The following SLC16A7 variants were observed in gnomAD, a reference collection of about 807,000 sequenced individuals.
SLC16A7 encodes the protein solute carrier family 16 member 7.
SLC16A7 carries 33 observed loss-of-function variants against 34.9 expected under a neutral mutation model. The ratio of observed to expected loss-of-function variants is 0.94; its 90% CI spans 0.72 to 1.26. The LOEUF is 1.26. Among genes scored for constraint, SLC16A7 ranks in the 50% most tolerant of loss-of-function variants. The probability of loss-of-function intolerance (pLI) is 0.00; values close to 1 mark genes in which losing one functional copy is unlikely to be tolerated. For synonymous variants in SLC16A7, 201 were observed against 206.6 expected (o/e 0.97, Z 0.23); for missense variants, 573 against 578.1 (o/e 0.99, Z 0.09).
intron 3 of SLC16A7, among the ~76,000 whole-genome samples, chr12:59,706,049 A>T (rs954532473): frequency 6.6e-6 from 1 of 152,144 alleles, no homozygotes; most frequent in African/African-American, 2.4e-5. Context: ...TCTTTATTCC[A>T]TAGCTAAGGA....
At chr12:59,631,775 T>C (rs544336390) in intron 1 of SLC16A7, among the ~76,000 whole-genome samples, 1 of 152,122 alleles carries the variant, frequency 6.6e-6, no homozygotes, top group Admixed American at 6.6e-5. Context: ...GAACATGCAG[T>C]CTTTGGTTTT....
intron 1 of SLC16A7, among the ~76,000 whole-genome samples, chr12:59,605,195 A>G (rs2136959901): frequency 1.3e-5 from 2 of 152,326 alleles, no homozygotes; most frequent in South Asian, 4.1e-4. Flanking sequence ...TGGGTCTGTT[A>G]CAACATAAAG....
intron 1 of SLC16A7, among the ~76,000 whole-genome samples, chr12:59,639,933 C>G (rs1225061444): frequency 1.3e-5 from 2 of 152,128 alleles, no homozygotes; most frequent in East Asian, 1.9e-4. Flanking sequence ...CAACTTCTGT[C>G]CAACATGGCC....
chr12:59,693,954 C>A (rs1295070179), intron 2 of SLC16A7, among the ~76,000 whole-genome samples: 1 of 151,848 alleles, frequency 6.6e-6, no homozygotes, highest in African/African-American at 2.4e-5. Context: ...TTTATGCCCT[C>A]ATCTATGAAA....
At chr12:59,773,102 A>G (rs1428485149) in intron 4 of SLC16A7, among the ~76,000 whole-genome samples, 9 of 151,518 alleles carry the variant, frequency 5.9e-5, no homozygotes, top group Admixed American at 5.9e-4. Context: ...TTGATATAAG[A>G]TTAAAAAAAA....
At chr12:59,655,827 C>T (rs1427074134) in intron 2 of SLC16A7, among the ~76,000 whole-genome samples, 1 of 151,856 alleles carries the variant, frequency 6.6e-6, no homozygotes, top group Non-Finnish European at 1.5e-5. Flanking sequence ...GATTTCAATC[C>T]TCGCTGTGCA....
At chr12:59,742,368 A>T (rs1298483854) in intron 3 of SLC16A7, among the ~76,000 whole-genome samples, 1 of 152,188 alleles carries the variant, frequency 6.6e-6, no homozygotes, top group African/African-American at 2.4e-5. Flanking sequence ...CTGCTGAATT[A>T]TCATTTTTAA....
chr12:59,701,836 T>C (rs1237463502), intron 2 of SLC16A7, among the ~76,000 whole-genome samples: 2 of 151,778 alleles, frequency 1.3e-5, no homozygotes, highest in Non-Finnish European at 3.0e-5. Context: ...ATCTTTGAAG[T>C]GAGTGAAAAA....
At chr12:59,686,140 C>T (rs564900878) in intron 2 of SLC16A7, among the ~76,000 whole-genome samples, 1 of 119,542 alleles carries the variant, frequency 8.4e-6, no homozygotes, top group Admixed American at 1.0e-4. Flanking sequence ...CCTGTTCTGT[C>T]GCCATAGTTT....
chr12:59,646,173 C>G (rs1868249412), intron 1 of SLC16A7, among the ~76,000 whole-genome samples: 1 of 152,138 alleles, frequency 6.6e-6, no homozygotes, highest in East Asian at 1.9e-4. Flanking sequence ...TGTTAATCAC[C>G]AAGACTGTGG....
chr12:59,603,415 G>A (rs186664303), intron 1 of SLC16A7, among the ~76,000 whole-genome samples: 10 of 152,036 alleles, frequency 6.6e-5, no homozygotes, highest in East Asian at 5.8e-4. Flanking sequence ...CTCATGCCTC[G>A]TTCATTCTCA....
chr12:59,714,423 T>C (rs944073025), intron 3 of SLC16A7, among the ~76,000 whole-genome samples: 2 of 152,186 alleles, frequency 1.3e-5, no homozygotes, highest in African/African-American at 2.4e-5. Flanking sequence ...GGCAGGAAGT[T>C]CAAAATCAAG....
intron 3 of SLC16A7, among the ~76,000 whole-genome samples, chr12:59,715,563 C>G (rs1439519693): frequency 6.6e-6 from 1 of 152,112 alleles, no homozygotes; most frequent in African/African-American, 2.4e-5. Flanking sequence ...TGTTTACACT[C>G]TGGGAGCTGG....
intron 3 of SLC16A7, among the ~76,000 whole-genome samples, chr12:59,706,246 G>A (rs1476264504): frequency 1.3e-5 from 2 of 152,110 alleles, no homozygotes; most frequent in Non-Finnish European, 2.9e-5. Flanking sequence ...CTTCAGCTCA[G>A]TGGCTTGTGT....
chr12:59,772,610 A>T (rs1169580287), intron 4 of SLC16A7, among the ~76,000 whole-genome samples: 1 of 152,152 alleles, frequency 6.6e-6, no homozygotes, highest in East Asian at 1.9e-4. Context: ...TTGGTTTCCA[A>T]AAGTAGACAG....
intron 3 of SLC16A7, among the ~76,000 whole-genome samples, chr12:59,715,631 A>G (rs534062153): frequency 3.3e-5 from 5 of 152,314 alleles, no homozygotes; most frequent in African/African-American, 7.2e-5. Flanking sequence ...AGGGCACACA[A>G]TGCATGTCAG....
At chr12:59,721,071 C>T (rs1366538095) in intron 3 of SLC16A7, among the ~76,000 whole-genome samples, 1 of 151,914 alleles carries the variant, frequency 6.6e-6, no homozygotes, top group East Asian at 1.9e-4. Flanking sequence ...AATTGATGAT[C>T]GATAATCTTA....
intron 2 of SLC16A7, among the ~76,000 whole-genome samples, chr12:59,687,294 T>C (rs897029539): frequency 6.6e-6 from 1 of 152,024 alleles, no homozygotes; most frequent in African/African-American, 2.4e-5. Flanking sequence ...GTCCCTGCTA[T>C]CCTGCTATTA....
At chr12:59,682,472 A>G (rs1263288453) in intron 2 of SLC16A7, among the ~76,000 whole-genome samples, 1 of 152,180 alleles carries the variant, frequency 6.6e-6, no homozygotes, top group Non-Finnish European at 1.5e-5. Context: ...TTCACTGTTC[A>G]TGGTCTCAAG....
Sources: gnomAD v4.1 joint callset for allele counts (sites outside exome capture counted in the v4.1 genomes callset) on GRCh38, gnomAD v4.1.1 for gene constraint, MANE v1.5 for transcripts, NCBI Gene and HGNC (gene_info 2026-07-23, HGNC 2026-07-21) for gene names.